Variants in MYO5B observed in about 807,000 individuals in gnomAD.
The protein encoded by MYO5B is myosin VB, also known as unconventional myosin-Vb.
Under a neutral mutation model 229.3 loss-of-function variants are expected in MYO5B, and 143 were observed. The ratio of observed to expected loss-of-function variants is 0.62; its 90% CI spans 0.54 to 0.72. The LOEUF (loss-of-function observed/expected upper bound fraction) is 0.72. Ranked by LOEUF, MYO5B falls within the 30% of genes least tolerant of loss-of-function variation. The pLI is 0.00. For synonymous variants in MYO5B, 918 were observed against 885.2 expected, an observed-to-expected ratio of 1.04 and a Z score of -0.66; for missense variants, 2,321 against 2,331.0, an observed-to-expected ratio of 1.00 and a Z score of 0.09.
chr18:49,932,029 A>G (rs966489556), intron 16 of MYO5B, among the ~76,000 whole-genome samples: 12 of 152,156 alleles, frequency 7.9e-5, no homozygotes, highest in Non-Finnish European at 1.6e-4. Context: ...TAGGTCCCAC[A>G]TGGGCTATGG....
At chr18:49,937,128 C>T (rs2025259331) in intron 15 of MYO5B, 117 bp downstream of exon 15, 1 of 1,240,578 alleles carries the variant, frequency 8.1e-7, no homozygotes, top group Admixed American at 1.7e-5. Context: ...ATGGCTGAGG[C>T]TACTGATGTC....
intron 1 of MYO5B, among the ~76,000 whole-genome samples, chr18:50,125,476 A>T (rs1214599845): frequency 6.6e-6 from 1 of 152,132 alleles, no homozygotes; most frequent in Non-Finnish European, 1.5e-5. Context: ...CATATGTAAC[A>T]AACCTGCACG....
intron 10 of MYO5B, among the ~76,000 whole-genome samples, chr18:49,968,966 C>T (rs1356953023): frequency 1.3e-5 from 2 of 152,190 alleles, no homozygotes; most frequent in African/African-American, 2.4e-5. Context: ...TCCAAAGGGC[C>T]ACCTCAGAAC....
intron 16 of MYO5B, among the ~76,000 whole-genome samples, chr18:49,933,859 G>A (rs1033288012): frequency 1.3e-5 from 2 of 152,146 alleles, no homozygotes; most frequent in African/African-American, 4.8e-5. Flanking sequence ...TTCCTATTCA[G>A]ATTCTTTCAT....
chr18:49,913,677 G>A (rs947375964), intron 17 of MYO5B, among the ~76,000 whole-genome samples: 2 of 152,094 alleles, frequency 1.3e-5, no homozygotes, highest in Non-Finnish European at 2.9e-5. Context: ...CTACCCTCAA[G>A]CCTGGATACC....
intron 1 of MYO5B, among the ~76,000 whole-genome samples, chr18:50,087,398 G>A (rs190916107): frequency 4.6e-5 from 7 of 151,846 alleles, no homozygotes; most frequent in East Asian, 1.9e-4. Flanking sequence ...GTGAAACCCC[G>A]TCTCTACTAA....
chr18:50,137,228 G>T (rs765859240), intron 1 of MYO5B, among the ~76,000 whole-genome samples: 1 of 152,198 alleles, frequency 6.6e-6, no homozygotes, highest in Non-Finnish European at 1.5e-5. Context: ...TCCCCTGAAG[G>T]ATTCTTAGCC....
chr18:49,954,238 TC>T (rs1188961691), intron 13 of MYO5B, 74 bp downstream of exon 13: 4 of 1,593,898 alleles, frequency 2.5e-6, no homozygotes, highest in Non-Finnish European at 3.4e-6. Context: ...CAGATTTCTC[TC>T]TAGGTCTAGA....
intron 1 of MYO5B, among the ~76,000 whole-genome samples, chr18:50,063,542 C>G (rs544936500): frequency 3.3e-5 from 5 of 152,212 alleles, no homozygotes; most frequent in African/African-American, 1.2e-4. Flanking sequence ...CAGACGGGGA[C>G]AGCAGAGAGC....
chr18:50,143,706 C>T (rs993715593), intron 1 of MYO5B, among the ~76,000 whole-genome samples: 1 of 152,150 alleles, frequency 6.6e-6, no homozygotes, highest in Non-Finnish European at 1.5e-5. Context: ...AAAAAAATAT[C>T]TTAGAGGCTA....
intron 10 of MYO5B, among the ~76,000 whole-genome samples, chr18:49,965,109 A>C (rs1293804065): frequency 2.6e-5 from 4 of 152,226 alleles, no homozygotes; most frequent in Non-Finnish European, 5.9e-5. Context: ...TTCTTACTAC[A>C]GTAGGAAGCC....
At chr18:50,097,408 T>C in intron 1 of MYO5B, 1 of 382,056 alleles carries the variant, frequency 2.6e-6, no homozygotes, top group Non-Finnish European at 5.4e-6. Flanking sequence ...AATAAAGATT[T>C]AATTGTACTA....
At chr18:49,897,405 G>A (rs1454957718) in intron 21 of MYO5B, among the ~76,000 whole-genome samples, 2 of 152,068 alleles carry the variant, frequency 1.3e-5, no homozygotes, top group African/African-American at 2.4e-5. Context: ...GAATGTATCC[G>A]TGTCTTAGTT....
intron 13 of MYO5B, among the ~76,000 whole-genome samples, chr18:49,953,937 C>CTACATA (rs2025458220): frequency 1.5e-5 from 2 of 135,870 alleles, no homozygotes; most frequent in Non-Finnish European, 3.1e-5. Flanking sequence ...TGTGTGTAGA[C>CTACATA]TATATATATA....
intron 10 of MYO5B, among the ~76,000 whole-genome samples, chr18:49,965,293 C>T (rs970712405): frequency 3.9e-5 from 6 of 152,218 alleles, no homozygotes; most frequent in South Asian, 2.1e-4. Context: ...ACATTATACA[C>T]ACATTGGCAG....
chr18:49,829,280 C>T (rs2023886770), intron 39 of MYO5B, among the ~76,000 whole-genome samples: 1 of 151,862 alleles, frequency 6.6e-6, no homozygotes, highest in Non-Finnish European at 1.5e-5. Flanking sequence ...GAGGACATTA[C>T]TGCCAATTTT....
At chr18:50,192,925 A>C (rs2033248133) in intron 1 of MYO5B, among the ~76,000 whole-genome samples, 2 of 152,176 alleles carry the variant, frequency 1.3e-5, no homozygotes, top group Non-Finnish European at 2.9e-5. Flanking sequence ...TTTTTCCCCC[A>C]CAAACTTTCC....
chr18:49,847,322 A>G, intron 32 of MYO5B, 33 bp from the exon 33 acceptor site: 2 of 1,608,464 alleles, frequency 1.2e-6, no homozygotes, highest in Non-Finnish European at 1.7e-6. Flanking sequence ...AGCATGGATG[A>G]GACTTCCAGC....
At chr18:49,977,849 G>A (rs1213957857) in intron 9 of MYO5B, among the ~76,000 whole-genome samples, 1 of 152,188 alleles carries the variant, frequency 6.6e-6, no homozygotes, top group Non-Finnish European at 1.5e-5. Flanking sequence ...TTTCCACACA[G>A]GGCTTTCTGG....
Sources: gnomAD v4.1 joint callset for allele counts (sites outside exome capture counted in the v4.1 genomes callset) on GRCh38, gnomAD v4.1.1 for gene constraint, MANE v1.5 for transcripts, NCBI Gene and HGNC (gene_info 2026-07-23, HGNC 2026-07-21) for gene names.